The following MYH11 variants were observed in gnomAD, a reference collection of about 807,000 sequenced individuals.
MYH11 encodes the protein myosin-11.
A neutral mutation model predicts 246.6 loss-of-function variants in MYH11; 80 were observed. The observed-to-expected ratio is 0.32, with a 90% CI of 0.27 to 0.39. MYH11 has a LOEUF of 0.39. MYH11 is among the 10% of genes least tolerant of loss of function. The pLI is 1.00. For missense variants in MYH11, 2,158 were observed against 2,546.8 expected (o/e 0.85, Z 3.29); for synonymous variants, 1,071 against 1,015.5 (o/e 1.05, Z -1.04).
chr16:15,758,544 C>A (rs1316759439), intron 12 of MYH11, among the ~76,000 whole-genome samples: 2 of 151,540 alleles, frequency 1.3e-5, no homozygotes, highest in African/African-American at 4.9e-5. Context: ...TGGCTCATAC[C>A]TGTAATCCCA....
At chr16:15,720,762 C>T (rs184194085) in intron 33 of MYH11, 77 bp downstream of exon 33, 4 of 1,481,428 alleles carry the variant, frequency 2.7e-6, no homozygotes, top group Non-Finnish European at 3.8e-6. Flanking sequence ...GAAGTTTCCA[C>T]ACCAACCATG....
chr16:15,743,735 C>G (rs1281373371), intron 20 of MYH11, among the ~76,000 whole-genome samples: 1 of 152,168 alleles, frequency 6.6e-6, no homozygotes, highest in Non-Finnish European at 1.5e-5. Flanking sequence ...AGGTCAGGGA[C>G]CATGGTGTGT....
At chr16:15,806,879 T>C (rs1285694921) in intron 3 of MYH11, among the ~76,000 whole-genome samples, 1 of 152,160 alleles carries the variant, frequency 6.6e-6, no homozygotes, top group Non-Finnish European at 1.5e-5. Flanking sequence ...GGAAAATGCA[T>C]ATTCACGTGT....
At chr16:15,830,969 C>T (rs905257284) in intron 2 of MYH11, among the ~76,000 whole-genome samples, 39 of 152,192 alleles carry the variant, frequency 2.6e-4, no homozygotes, top group African/African-American at 8.7e-4. Context: ...GTCAGGAGAT[C>T]GAGACCAGCC....
chr16:15,811,068 T>G, intron 3 of MYH11, among the ~76,000 whole-genome samples: 1 of 152,154 alleles, frequency 6.6e-6, no homozygotes, highest in East Asian at 1.9e-4. Context: ...TGGGAGGTGA[T>G]GAGATCATGG....
rs745850224 is a variant in MYH11, at chr16:15,747,898, G to A, written c.2226C>T (p.Asp742=). 25 of 1,613,808 alleles carry A rather than the reference G, an allele frequency of 1.5e-5. No homozygotes were observed. Among genetic ancestry groups the A allele is most frequent in the Middle Eastern group, 1.6e-4 (1 of 6,084 alleles). ...AANAIPKGFM[D]GKQACILMIK... is the part of the protein sequence containing the mutation. Reference sequence around the variant, plus strand: ...CCATGAGAATGCAGGCCTGCTTCCCGTCCATGAAGCCTTTGGGGATGGCAT... The same window carrying A: ...CCATGAGAATGCAGGCCTGCTTCCCATCCATGAAGCCTTTGGGGATGGCAT... The change falls in exon 18 of 41, where the codon GAC becomes GAT. Residue 742 remains aspartate, a synonymous_variant. Transcript: ENST00000300036.
Position 15,706,824 on chromosome 16 carries a change from A to G in MYH11, c.5787-2701T>C, listed in dbSNP as rs74713965. On this transcript the variant is annotated intron_variant, in intron 40 of 40. Coordinates refer to ENST00000300036, the MANE Select transcript of MYH11 (RefSeq NM_002474.3). ...TCTATTTGCTAACTGGAAAAGCTTA[A>G]TGGATAAATTTGCTCCCTTGACCTA... Among the ~76,000 whole-genome samples the G allele has an allele frequency of 6.7e-3, 1,027 of 152,314 alleles. 11 individuals carry two copies. The highest frequency in any genetic ancestry group is 0.023 in the African/African-American group (967 of 41,566).
intron 23 of MYH11, 81 bp from the exon 24 acceptor site, chr16:15,738,769 G>A: frequency 6.6e-7 from 1 of 1,507,596 alleles, no homozygotes; most frequent in South Asian, 1.2e-5. Context: ...TGATTTCCAT[G>A]TAAACAGTTG....
rs1171298608 is a variant in MYH11, at chr16:15,724,236, G to C, written c.4290C>G (p.Asp1430Glu). Residue 1430 changes from aspartate (D) to glutamate (E), a missense_variant, in exon 31 of 41, where the codon GAC (aspartate) becomes GAG (glutamate). Physicochemically the swap from Asp to Glu is conservative, Grantham distance 45. Around this residue, in one of 11 missense-constraint regions of MYH11, gnomAD observed 1,013 missense variants for 993.5 expected, o/e 1.02. Transcript: ENST00000300036. Reference protein sequence around the residue: ...KTKNRLQQELDDLVVDLDNQR... With the variant: ...KTKNRLQQELEDLVVDLDNQR... The stretch of plus-strand genomic sequence containing the variant: ...GGTTGTCCAAATCAACAACCAGGTC[G>C]TCCAGCTCCTGCTGAAGCCTGTTCT... The C allele has an allele frequency of 3.1e-6, 5 of 1,614,192 alleles. No homozygotes were observed. Among genetic ancestry groups the C allele is most frequent in the Non-Finnish European group, 4.2e-6 (5 of 1,180,046 alleles).
intron 9 of MYH11, among the ~76,000 whole-genome samples, chr16:15,765,822 T>C (rs1180943104): frequency 2.0e-5 from 3 of 152,178 alleles, no homozygotes. Context: ...CTTTTAACCA[T>C]AACATCTATG....
At chr16:15,789,256 C>G (rs1448912493) in intron 4 of MYH11, among the ~76,000 whole-genome samples, 1 of 152,120 alleles carries the variant, frequency 6.6e-6, no homozygotes, top group Admixed American at 6.6e-5. Flanking sequence ...GCCCAACCCT[C>G]TAGGGACTTG....
At chr16:15,707,567 C>T (rs565815751) in intron 40 of MYH11, among the ~76,000 whole-genome samples, 22 of 152,326 alleles carry the variant, frequency 1.4e-4, no homozygotes, top group African/African-American at 5.1e-4. Context: ...AGACCTCACC[C>T]TGCGCTTTAA....
intron 10 of MYH11, 36 bp downstream of exon 10, chr16:15,763,760 C>CCCCCCAAAAA: frequency 2.5e-6 from 3 of 1,192,084 alleles, no homozygotes; most frequent in Non-Finnish European, 3.8e-6. Flanking sequence ...CCCCCAACCC[C>CCCCCCAAAAA]AAAGTCATTG....
chr16:15,804,103 C>A (rs2042953198), intron 3 of MYH11, among the ~76,000 whole-genome samples: 1 of 152,202 alleles, frequency 6.6e-6, no homozygotes. Context: ...TCCCTCCTTG[C>A]TTTGCACAAG....
chr16:15,741,618 GCT>G lies in MYH11; in HGVS notation c.2702_2703del (p.Glu901AlafsTer6). 1 of 1,613,192 alleles carries G rather than the reference GCT, an allele frequency of 6.2e-7. No homozygotes were observed. Among genetic ancestry groups the G allele is most frequent in the Non-Finnish European group, 8.5e-7 (1 of 1,180,032 alleles). On this transcript the variant is annotated frameshift_variant, in exon 22 of 41. Coordinates refer to ENST00000300036, the MANE Select transcript of MYH11 (RefSeq NM_002474.3). LOFTEE classifies it high-confidence loss of function. ...CGCATCTCCTCAGCCTCTGCATACA[GCT>G]CTGTCTCTGCCTGCAGCTGTTCCTG... is the stretch of plus-strand genomic sequence containing the variant. ...LLQEQLQAET[E>X]LYAEAEEMRV...
At chr16:15,786,569 G>A in intron 5 of MYH11, 61 bp downstream of exon 5, 1 of 1,438,418 alleles carries the variant, frequency 7.0e-7, no homozygotes, top group African/African-American at 1.4e-5. Context: ...TATCTCGGTT[G>A]GGCTGCAAGC....
intron 8 of MYH11, 137 bp from the exon 9 acceptor site, chr16:15,771,849 G>A (rs944770378): frequency 1.7e-5 from 19 of 1,108,378 alleles, no homozygotes; most frequent in South Asian, 1.2e-4. Flanking sequence ...AAGCCCTCAC[G>A]CATCGTCACG....
chr16:15,793,615 C>CTTT (rs572455483), intron 4 of MYH11, among the ~76,000 whole-genome samples: 140 of 93,702 alleles, frequency 1.5e-3, no homozygotes, highest in African/African-American at 2.7e-3. Context: ...CTTTTCTTTT[C>CTTT]TTTTTTTTTT....
chr16:15,721,703 G>A (rs979448177), intron 31 of MYH11, 69 bp from the exon 32 acceptor site: 27 of 1,535,868 alleles, frequency 1.8e-5, no homozygotes, highest in East Asian at 1.1e-4. Flanking sequence ...TGTAAATACC[G>A]GGGGAAGCCC....
Sources: allele counts gnomAD v4.1 joint callset (sites outside exome capture counted in the v4.1 genomes callset), GRCh38; gene constraint gnomAD v4.1.1; regional missense constraint gnomAD v4.1.1; transcripts MANE v1.5; gene names NCBI Gene and HGNC (gene_info 2026-07-23, HGNC 2026-07-21).